The following ITPR2 variants were observed in gnomAD, a reference collection of about 807,000 sequenced individuals.
The protein encoded by ITPR2 is inositol 1,4,5-trisphosphate receptor type 2.
A neutral mutation model predicts 317.1 loss-of-function variants in ITPR2; 207 were observed. The ratio of observed to expected loss-of-function variants is 0.65; its 90% CI spans 0.58 to 0.73. ITPR2 has a LOEUF of 0.73. Ranked by LOEUF, ITPR2 falls within the 30% of genes least tolerant of loss-of-function variation. The pLI is 0.00. For missense variants in ITPR2, 2,613 were observed against 3,284.0 expected, an observed-to-expected ratio of 0.80 and a Z score of 4.99; for synonymous variants, 1,156 against 1,149.1, an observed-to-expected ratio of 1.01 and a Z score of -0.12.
At chr12:26,431,648 T>C (rs946437402) in intron 48 of ITPR2, among the ~76,000 whole-genome samples, 5 of 152,212 alleles carry the variant, frequency 3.3e-5, no homozygotes, top group African/African-American at 1.2e-4. Context: ...CCCAACAGGC[T>C]GGTCCTCTGA....
chr12:26,353,734 G>A (rs1054747972), intron 55 of ITPR2, among the ~76,000 whole-genome samples: 9 of 152,096 alleles, frequency 5.9e-5, no homozygotes, highest in African/African-American at 2.2e-4. Context: ...ACTTTGACAG[G>A]ATGTCACTGA....
At chr12:26,539,481 T>C (rs1591874693) in intron 37 of ITPR2, among the ~76,000 whole-genome samples, 1 of 152,360 alleles carries the variant, frequency 6.6e-6, no homozygotes. Flanking sequence ...GGTTTCTTTT[T>C]GTAGCCTGGC....
chr12:26,496,813 G>A (rs1338293600), intron 37 of ITPR2, among the ~76,000 whole-genome samples: 13 of 151,740 alleles, frequency 8.6e-5, no homozygotes, highest in Admixed American at 8.5e-4. Flanking sequence ...GCGTGGTGGT[G>A]GGCGCCTGTA....
At chr12:26,515,708 G>A (rs914732570) in intron 37 of ITPR2, among the ~76,000 whole-genome samples, 1 of 151,966 alleles carries the variant, frequency 6.6e-6, no homozygotes, top group Non-Finnish European at 1.5e-5. Context: ...AAGAAGTTAA[G>A]GCAAAAATCT....
intron 37 of ITPR2, among the ~76,000 whole-genome samples, chr12:26,506,716 C>T (rs1285192501): frequency 1.3e-5 from 2 of 152,016 alleles, no homozygotes; most frequent in African/African-American, 2.4e-5. Context: ...TGCAAGAGAA[C>T]ACACTAATAT....
chr12:26,670,214 G>C lies in ITPR2; in HGVS notation c.1410-4163C>G, dbSNP rs546834928. On this transcript the variant is annotated intron_variant, in intron 13 of 56. Coordinates refer to ENST00000381340, the MANE Select transcript of ITPR2 (RefSeq NM_002223.4). Reference sequence around the variant, plus strand: ...AGAGCATTGGTTCTCCCAGCATGCAGCTGGAGATCTGAGAACGGGCAGACT... The same window carrying C: ...AGAGCATTGGTTCTCCCAGCATGCACCTGGAGATCTGAGAACGGGCAGACT... Among the ~76,000 whole-genome samples, 335 of 152,350 alleles carry C rather than the reference G, an allele frequency of 2.2e-3. 1 individual carries two copies. The highest frequency in any genetic ancestry group is 5.1e-3 in the Admixed American group (78 of 15,306).
At chr12:26,756,892 A>C (rs1949531751) in intron 2 of ITPR2, among the ~76,000 whole-genome samples, 2 of 152,332 alleles carry the variant, frequency 1.3e-5, no homozygotes, top group African/African-American at 4.8e-5. Flanking sequence ...CAGGCATTCT[A>C]AATCACAGGA....
chr12:26,406,983 C>G (rs994183588), intron 52 of ITPR2, among the ~76,000 whole-genome samples: 1 of 152,198 alleles, frequency 6.6e-6, no homozygotes, highest in Non-Finnish European at 1.5e-5. Context: ...GCCACCATCT[C>G]TGGCTTCCAG....
intron 37 of ITPR2, among the ~76,000 whole-genome samples, chr12:26,521,865 C>A (rs1412850930): frequency 6.6e-6 from 1 of 152,140 alleles, no homozygotes; most frequent in Non-Finnish European, 1.5e-5. Context: ...AATGAGCTAT[C>A]CCTACATCAC....
chr12:26,338,502 A>C lies in ITPR2; in HGVS notation c.*895T>G, dbSNP rs1451120619. 1 of 152,650 alleles carries C rather than the reference A, an allele frequency of 6.6e-6. No homozygotes were observed. The highest frequency in any genetic ancestry group is 2.4e-5 in the African/African-American group (1 of 41,464). 9.5% of individuals were successfully genotyped at this position (152,650 alleles called of 1,614,324 possible). On this transcript the variant is annotated 3_prime_UTR_variant, in exon 57 of 57. Coordinates refer to ENST00000381340, the MANE Select transcript of ITPR2 (RefSeq NM_002223.4). ...CTTTCACTCCATGTTTATAAAAGGC[A>C]ATGCCACCATCATAAGTTTCTCAAT...
chr12:26,811,660 C>G (rs924124989), intron 1 of ITPR2, among the ~76,000 whole-genome samples: 14 of 146,772 alleles, frequency 9.5e-5, no homozygotes, highest in African/African-American at 3.6e-4. Flanking sequence ...GCACTCCAGC[C>G]TGGGGGACAG....
intron 37 of ITPR2, among the ~76,000 whole-genome samples, chr12:26,498,859 T>C (rs189331219): frequency 3.0e-4 from 46 of 152,266 alleles, no homozygotes; most frequent in Admixed American, 2.9e-3. Context: ...TATTTAGAGA[T>C]AGGGTCTTGT....
At chr12:26,567,101 T>C (rs921210090) in intron 34 of ITPR2, among the ~76,000 whole-genome samples, 3 of 152,174 alleles carry the variant, frequency 2.0e-5, no homozygotes, top group African/African-American at 7.2e-5. Flanking sequence ...GGGAGGAGAT[T>C]GGGATTTATC....
At chr12:26,358,029 T>A (rs1049362360) in intron 55 of ITPR2, among the ~76,000 whole-genome samples, 1 of 152,234 alleles carries the variant, frequency 6.6e-6, no homozygotes, top group Non-Finnish European at 1.5e-5. Context: ...CCTGCAGCTA[T>A]GTACATATTT....
chr12:26,448,739 C>T (rs1043521009), intron 45 of ITPR2, among the ~76,000 whole-genome samples: 7 of 151,912 alleles, frequency 4.6e-5, no homozygotes, highest in African/African-American at 1.7e-4. Flanking sequence ...ATGTTGAAGA[C>T]AAAAGGAAAA....
At chr12:26,474,494 C>T (rs904624365) in intron 45 of ITPR2, among the ~76,000 whole-genome samples, 16 of 152,144 alleles carry the variant, frequency 1.1e-4, no homozygotes, top group Non-Finnish European at 2.2e-4. Context: ...GGAAACAGTT[C>T]CTTCAAAAGA....
At chr12:26,465,954 G>C (rs958764924) in intron 45 of ITPR2, among the ~76,000 whole-genome samples, 4 of 152,162 alleles carry the variant, frequency 2.6e-5, no homozygotes, top group African/African-American at 9.7e-5. Context: ...CCAGCACTGA[G>C]AGCAGCAGGA....
chr12:26,381,521 A>G (rs763617031), intron 55 of ITPR2, among the ~76,000 whole-genome samples: 1 of 152,234 alleles, frequency 6.6e-6, no homozygotes, highest in Non-Finnish European at 1.5e-5. Context: ...TACAGATATT[A>G]CCTGCCCTGG....
At chr12:26,530,982 T>C (rs1943928646) in intron 37 of ITPR2, among the ~76,000 whole-genome samples, 1 of 152,222 alleles carries the variant, frequency 6.6e-6, no homozygotes. Context: ...CTTTTAGTGC[T>C]GAACTATCAA....
Sources: allele counts gnomAD v4.1 joint callset (sites outside exome capture counted in the v4.1 genomes callset), GRCh38; gene constraint gnomAD v4.1.1; transcripts MANE v1.5; gene names NCBI Gene and HGNC (gene_info 2026-07-23, HGNC 2026-07-21).